The following NETO1 variants were observed in gnomAD, a reference collection of about 807,000 sequenced individuals.
The protein encoded by NETO1 is neuropilin and tolloid-like protein 1.
Under a neutral mutation model 61.3 loss-of-function variants are expected in NETO1, and 26 were observed. The observed-to-expected ratio is 0.42, with a 90% CI of 0.31 to 0.59. The LOEUF is 0.59. Among genes scored for constraint, NETO1 ranks in the 20% least tolerant of loss-of-function variants. NETO1 has a pLI of 0.12. For missense variants in NETO1, 531 were observed against 662.8 expected, an observed-to-expected ratio of 0.80 and a Z score of 2.18; for synonymous variants, 225 against 225.8, an observed-to-expected ratio of 1.00 and a Z score of 0.03.
chr18:72,808,062 A>G (rs2072738507), intron 4 of NETO1, among the ~76,000 whole-genome samples: 2 of 152,206 alleles, frequency 1.3e-5, no homozygotes, highest in Admixed American at 1.3e-4. Context: ...ATTAGTGAAT[A>G]AAACGCCTCC....
At chr18:72,838,815 T>C (rs6566670) in intron 4 of NETO1, among the ~76,000 whole-genome samples, 146,229 of 152,290 alleles carry the variant, frequency 0.96, 70,297 homozygotes, top group Non-Finnish European at 0.99. Flanking sequence ...CAAACTCATT[T>C]ACTTAAATTT....
intron 4 of NETO1, among the ~76,000 whole-genome samples, chr18:72,846,618 T>C (rs1291765687): frequency 6.7e-6 from 1 of 149,730 alleles, no homozygotes; most frequent in Non-Finnish European, 1.5e-5. Context: ...AAAACACTTA[T>C]AAACAGAAAA....
chr18:72,832,543 T>C (rs2073616186), intron 4 of NETO1, among the ~76,000 whole-genome samples: 2 of 152,200 alleles, frequency 1.3e-5, no homozygotes, highest in Non-Finnish European at 2.9e-5. Context: ...AACCCATACA[T>C]TGCAATAAGC....
intron 4 of NETO1, among the ~76,000 whole-genome samples, chr18:72,837,898 C>G (rs1214419254): frequency 6.6e-6 from 1 of 151,702 alleles, no homozygotes; most frequent in African/African-American, 2.4e-5. Context: ...CATCACCATC[C>G]TCTATGACAG....
Position 72,865,242 on chromosome 18 carries a change from C to G in NETO1, c.29-1G>C. ...TGGAGGATGATTAAACTTGCTACAA[C>G]TGAAACAGAAAAGAAAAATTAGAGA... On this transcript the variant is annotated splice_acceptor_variant, in intron 1 of 10. Transcript: ENST00000327305. LOFTEE classifies it high-confidence loss of function. The G allele has an allele frequency of 6.2e-7, 1 of 1,611,136 alleles. No individual in the cohort carries two copies. Among genetic ancestry groups the G allele is most frequent in the South Asian group, 1.1e-5 (1 of 90,706 alleles).
intron 6 of NETO1, among the ~76,000 whole-genome samples, chr18:72,786,175 TA>T (rs1402519400): frequency 5.9e-5 from 9 of 152,314 alleles, no homozygotes; most frequent in African/African-American, 1.9e-4. Context: ...TTAAGCGTTA[TA>T]AATAATGATA....
rs1001096510 is a variant in NETO1, at chr18:72,761,945, A to G, written c.869-5798T>C. ...GGGCCTTGCACCCACTGAAAGATTC[A>G]AAGAAGTCATGAGGTAAAATATGCC... On this transcript the variant is annotated intron_variant, in intron 7 of 10. Coordinates refer to ENST00000327305, the MANE Select transcript of NETO1 (RefSeq NM_138966.5). Among the ~76,000 whole-genome samples the G allele has an allele frequency of 5.3e-5, 8 of 152,284 alleles. No individual in the cohort carries two copies. In the South Asian group the frequency reaches 1.2e-3, roughly 24 times the overall value.
At chr18:72,834,979 A>T (rs2073697665) in intron 4 of NETO1, 1 of 824,006 alleles carries the variant, frequency 1.2e-6, no homozygotes, top group Admixed American at 6.3e-5. Context: ...ACACAATATT[A>T]CATAAAATAT....
At chr18:72,766,994 A>T (rs991846815) in intron 7 of NETO1, among the ~76,000 whole-genome samples, 2 of 152,190 alleles carry the variant, frequency 1.3e-5, no homozygotes, top group African/African-American at 4.8e-5. Flanking sequence ...CATGCTGATT[A>T]CTATTAGGCC....
chr18:72,816,298 T>C (rs974178092), intron 4 of NETO1, among the ~76,000 whole-genome samples: 1 of 152,034 alleles, frequency 6.6e-6, no homozygotes, highest in African/African-American at 2.4e-5. Flanking sequence ...CTCAACTAGG[T>C]TTGAAAAATC....
intron 4 of NETO1, chr18:72,834,814 G>C: frequency 2.0e-6 from 2 of 984,576 alleles, no homozygotes; most frequent in Non-Finnish European, 2.4e-6. Flanking sequence ...CTCAGCTGAA[G>C]AATTCACAAT....
At chr18:72,852,890 T>C (rs1173419644) in intron 4 of NETO1, among the ~76,000 whole-genome samples, 1 of 149,392 alleles carries the variant, frequency 6.7e-6, no homozygotes, top group Admixed American at 6.8e-5. Context: ...TGGAGTGCAG[T>C]GGCATGATCT....
chr18:72,865,645 G>C, intron 1 of NETO1: 2 of 1,583,930 alleles, frequency 1.3e-6, no homozygotes, highest in Non-Finnish European at 1.7e-6. Context: ...GAAAAGGAGA[G>C]GCAAACAATG....
At chr18:72,811,229 T>C (rs974267906) in intron 4 of NETO1, among the ~76,000 whole-genome samples, 3 of 152,110 alleles carry the variant, frequency 2.0e-5, no homozygotes, top group Admixed American at 6.6e-5. Context: ...CTGTGCCCAC[T>C]CACCCTAACG....
At chr18:72,778,269 C>T (rs1369617708) in intron 7 of NETO1, among the ~76,000 whole-genome samples, 1 of 152,176 alleles carries the variant, frequency 6.6e-6, no homozygotes, top group Non-Finnish European at 1.5e-5. Flanking sequence ...CTGATTTCCA[C>T]CGAGTTGGCC....
In NETO1 at chr18:72,747,560, A is replaced by C. The variant is rs1408961978; in HGVS notation, c.*619T>G. Reference sequence around the variant, plus strand: ...AGGAAATCAGGGGTATACAGGAAAGACCAAAAAATGAATTTTTTTATTGCA... The same window carrying C: ...AGGAAATCAGGGGTATACAGGAAAGCCCAAAAAATGAATTTTTTTATTGCA... On this transcript the variant is annotated 3_prime_UTR_variant, in exon 11 of 11. Coordinates refer to ENST00000327305, the MANE Select transcript of NETO1 (RefSeq NM_138966.5). 2 of 152,102 alleles carry C rather than the reference A, an allele frequency of 1.3e-5. No individual in the cohort carries two copies. Among genetic ancestry groups the C allele is most frequent in the Admixed American group, 6.6e-5 (1 of 15,244 alleles). The allele number at this position is 152,102 out of a possible 1,614,324, so 9.4% of individuals were successfully genotyped here. A position where few individuals can be genotyped will look rare whatever the true frequency, so the allele number is the denominator to read the frequency against.
intron 4 of NETO1, among the ~76,000 whole-genome samples, chr18:72,851,736 A>G (rs1251667762): frequency 9.9e-5 from 15 of 152,192 alleles, no homozygotes; most frequent in Admixed American, 5.9e-4. Flanking sequence ...AAAATCATGT[A>G]TCAGTTAATG....
intron 4 of NETO1, among the ~76,000 whole-genome samples, chr18:72,828,291 A>G (rs1045155513): frequency 1.7e-4 from 26 of 152,182 alleles, no homozygotes; most frequent in Non-Finnish European, 3.1e-4. Context: ...ATCCTGGGCA[A>G]TAGAAGAAGA....
At chr18:72,862,793 C>T (rs149246448) in intron 3 of NETO1, among the ~76,000 whole-genome samples, 2,439 of 151,734 alleles carry the variant, frequency 0.016, 47 homozygotes, top group African/African-American at 0.052. Context: ...GCTCATTTTT[C>T]GTATTTTTAG....
Sources: gnomAD v4.1 joint callset for allele counts (sites outside exome capture counted in the v4.1 genomes callset) on GRCh38, gnomAD v4.1.1 for gene constraint, MANE v1.5 for transcripts, NCBI Gene and HGNC (gene_info 2026-07-23, HGNC 2026-07-21) for gene names.